The following STX18 variants were observed in gnomAD, a reference collection of about 807,000 sequenced individuals.
STX18 encodes the protein syntaxin 18.
Under a neutral mutation model 50.1 loss-of-function variants are expected in STX18, and 40 were observed. The ratio of observed to expected loss-of-function variants is 0.80; its 90% CI spans 0.62 to 1.04. The LOEUF (loss-of-function observed/expected upper bound fraction) is 1.04, where lower values mean the gene tolerates loss of function less well. Ranked by LOEUF, STX18 falls within the 50% of genes least tolerant of loss-of-function variation. STX18 has a pLI of 0.00. For synonymous variants in STX18, 158 were observed against 151.8 expected (o/e 1.04, Z -0.30); for missense variants, 410 against 415.8 (o/e 0.99, Z 0.12).
intron 1 of STX18, among the ~76,000 whole-genome samples, chr4:4,486,461 A>C (rs996774786): frequency 6.6e-6 from 1 of 152,260 alleles, no homozygotes; most frequent in African/African-American, 2.4e-5. Context: ...TTTTGAGTGA[A>C]TATGCAACAA....
chr4:4,500,060 T>C (rs1729366379), intron 1 of STX18, among the ~76,000 whole-genome samples: 1 of 151,854 alleles, frequency 6.6e-6, no homozygotes, highest in Admixed American at 6.6e-5. Context: ...TTCAATGGGA[T>C]TTTTAGAGTT....
chr4:4,434,928 C>A, intron 6 of STX18, 70 bp from the exon 7 acceptor site: 1 of 1,047,258 alleles, frequency 9.5e-7, no homozygotes, highest in South Asian at 1.5e-5. Flanking sequence ...AGGATGTAGT[C>A]ATAACACAAA....
chr4:4,507,081 T>G, intron 1 of STX18: 1 of 532,242 alleles, frequency 1.9e-6, no homozygotes. Flanking sequence ...GAGAAGGCCA[T>G]GTTCAGTTGG....
chr4:4,464,340 T>A (rs150007857), intron 2 of STX18, among the ~76,000 whole-genome samples: 2 of 152,242 alleles, frequency 1.3e-5, no homozygotes, highest in Non-Finnish European at 2.9e-5. Context: ...TTGCTTATAA[T>A]GTTTTTTTCT....
intron 5 of STX18, among the ~76,000 whole-genome samples, chr4:4,438,908 A>G (rs2108790133): frequency 6.6e-6 from 1 of 150,412 alleles, no homozygotes; most frequent in South Asian, 2.1e-4. Flanking sequence ...ATAATATATA[A>G]TACATATTAT....
Position 4,440,902 on chromosome 4 carries a change from G to T in STX18, c.498-2393C>A, listed in dbSNP as rs543234369. ...AGGAATTTGGGAACACCTTGGCTGG[G>T]TGGTTCTGGCTCTGTGTGTCTCAGG... is the stretch of plus-strand genomic sequence containing the variant. On this transcript the variant is annotated intron_variant, in intron 5 of 10. Transcript: ENST00000306200. 2.0e-5 allele frequency among the ~76,000 whole-genome samples: 3 copies of T among 152,320 alleles called. No individual in the cohort carries two copies. In the East Asian group the frequency reaches 5.8e-4, roughly 29 times the overall value.
intron 1 of STX18, among the ~76,000 whole-genome samples, chr4:4,534,661 C>T (rs1433582601): frequency 6.6e-6 from 1 of 152,216 alleles, no homozygotes; most frequent in East Asian, 1.9e-4. Context: ...TCCTTTCGTG[C>T]CTCTGCCGCA....
At chr4:4,523,652 C>T (rs755752572) in intron 1 of STX18, among the ~76,000 whole-genome samples, 3 of 152,194 alleles carry the variant, frequency 2.0e-5, no homozygotes, top group African/African-American at 4.8e-5. Context: ...TCTATAGTAA[C>T]GAGCTGAGTT....
At chr4:4,462,681 G>A (rs1233983328) in intron 2 of STX18, among the ~76,000 whole-genome samples, 22 of 150,084 alleles carry the variant, frequency 1.5e-4, no homozygotes, top group South Asian at 2.1e-4. Context: ...GGACAACATA[G>A]CAAAACCACC....
chr4:4,538,626 T>C (rs1731447801), intron 1 of STX18, among the ~76,000 whole-genome samples: 1 of 152,090 alleles, frequency 6.6e-6, no homozygotes, highest in African/African-American at 2.4e-5. Flanking sequence ...TACATACATA[T>C]AGACTATGTG....
intron 5 of STX18, among the ~76,000 whole-genome samples, chr4:4,448,916 G>A (rs1214226441): frequency 6.6e-6 from 1 of 152,006 alleles, no homozygotes; most frequent in East Asian, 1.9e-4. Context: ...GAGAAACCTG[G>A]CTTCCAATAT....
At chr4:4,427,254 G>A (rs1162336676) in intron 7 of STX18, among the ~76,000 whole-genome samples, 3 of 152,190 alleles carry the variant, frequency 2.0e-5, no homozygotes, top group Admixed American at 2.0e-4. Context: ...GCAAAGCTCT[G>A]GGAAGGGCGG....
At position 4,457,222 on chromosome 4, in the gene STX18, G is replaced by C. The variant is rs1166748901; in HGVS notation, c.466C>G (p.Arg156Gly). 1.2e-6 allele frequency: 2 copies of C among 1,613,860 alleles called. No individual in the cohort carries two copies. Among genetic ancestry groups the C allele is most frequent in the East Asian group, 2.2e-5 (1 of 44,884 alleles). The change falls in exon 5 of 11, where the codon CGA becomes GGA. Residue 156 changes from arginine to glycine, a missense_variant. Physicochemically the swap from Arg to Gly is moderately radical, Grantham distance 125. Transcript: ENST00000306200. ...TTCTTATCCACCACTCTTTTAACTC[G>C]GATGGCTCTCTGTTCTGAGTAAAGT... is the stretch of plus-strand genomic sequence containing the variant. ...CKLYSEQRAI[R>G]VKRVVDKKRL...
chr4:4,465,428 A>C (rs1727571092), intron 2 of STX18, among the ~76,000 whole-genome samples: 1 of 152,256 alleles, frequency 6.6e-6, no homozygotes, highest in African/African-American at 2.4e-5. Context: ...TGCAGCCATA[A>C]AAAGGAATGA....
chr4:4,477,197 C>T (rs770629639), intron 1 of STX18, among the ~76,000 whole-genome samples: 84 of 152,096 alleles, frequency 5.5e-4, no homozygotes, highest in Non-Finnish European at 1.1e-3. Context: ...GAGCCGAGAT[C>T]GCGCCACTGC....
intron 1 of STX18, among the ~76,000 whole-genome samples, chr4:4,539,581 A>G (rs1203762724): frequency 1.3e-5 from 2 of 152,258 alleles, no homozygotes; most frequent in Non-Finnish European, 2.9e-5. Flanking sequence ...TGAACAACAC[A>G]GCCCATGAAC....
At chr4:4,467,437 C>A (rs1219833067) in intron 2 of STX18, among the ~76,000 whole-genome samples, 1 of 152,166 alleles carries the variant, frequency 6.6e-6, no homozygotes, top group African/African-American at 2.4e-5. Flanking sequence ...CTCACTGTTA[C>A]AACCTTTGCA....
upstream of STX18, chr4:4,542,102 C>T (rs1731640089): frequency 8.8e-7 from 1 of 1,130,278 alleles, no homozygotes; most frequent in Admixed American, 3.9e-5. Flanking sequence ...AGAAAGGTTC[C>T]GGCCTGCGCC....
intron 1 of STX18, among the ~76,000 whole-genome samples, chr4:4,499,033 A>G (rs983471794): frequency 1.3e-5 from 2 of 152,260 alleles, no homozygotes; most frequent in Non-Finnish European, 2.9e-5. Context: ...AGAAGCTGAA[A>G]GTGCCACTTC....
Sources: allele counts gnomAD v4.1 joint callset (sites outside exome capture counted in the v4.1 genomes callset), GRCh38; gene constraint gnomAD v4.1.1; transcripts MANE v1.5; gene names NCBI Gene and HGNC (gene_info 2026-07-23, HGNC 2026-07-21).